TG: variants seen among roughly 807,000 people sequenced by gnomAD.
The protein encoded by TG is thyroid hormones.
A neutral mutation model predicts 324.7 loss-of-function variants in TG; 270 were observed. The observed-to-expected ratio is 0.83, with a 90% CI of 0.75 to 0.92. The LOEUF (loss-of-function observed/expected upper bound fraction) is 0.92, where lower values mean the gene tolerates loss of function less well. TG is among the 40% of genes least tolerant of loss of function. The pLI is 0.00. For synonymous variants in TG, 1,401 were observed against 1,327.0 expected, an observed-to-expected ratio of 1.06 and a Z score of -1.21; for missense variants, 3,591 against 3,456.4, an observed-to-expected ratio of 1.04 and a Z score of -0.98.
chr8:133,051,620 G>A (rs1384985449), intron 41 of TG, among the ~76,000 whole-genome samples: 1 of 152,178 alleles, frequency 6.6e-6, no homozygotes, highest in Non-Finnish European at 1.5e-5. Context: ...AAGGAATTCT[G>A]GTGAAGTTTT....
chr8:133,019,744 G>T, intron 39 of TG, 49 bp downstream of exon 39: 1 of 1,496,744 alleles, frequency 6.7e-7, no homozygotes. Flanking sequence ...TGTCCCATTA[G>T]AAATCCACTG....
chr8:133,084,413 A>AG (rs1462101457), intron 41 of TG, among the ~76,000 whole-genome samples: 18 of 152,216 alleles, frequency 1.2e-4, no homozygotes, highest in East Asian at 1.9e-4. Flanking sequence ...TGACAATGGA[A>AG]GGGAGGCTCA....
chr8:132,917,027 C>CATCCT (rs1820402924), intron 20 of TG, among the ~76,000 whole-genome samples: 1 of 60,514 alleles, frequency 1.7e-5, no homozygotes, highest in African/African-American at 5.9e-5. Context: ...CCCTCCATGC[C>CATCCT]TCCCTCCCTC....
chr8:132,869,656 T>C, intron 2 of TG, 73 bp from the exon 3 acceptor site: 8 of 1,294,416 alleles, frequency 6.2e-6, no homozygotes, highest in Non-Finnish European at 9.0e-6. Flanking sequence ...AGAAGAAAAG[T>C]AGCCTGAGTG....
intron 10 of TG, among the ~76,000 whole-genome samples, chr8:132,891,438 G>A (rs1563917319): frequency 6.6e-6 from 1 of 152,096 alleles, no homozygotes; most frequent in Non-Finnish European, 1.5e-5. Flanking sequence ...AGGCTCAAGC[G>A]ATCCTCCCAC....
chr8:132,873,880 T>C (rs1407573587), intron 5 of TG, among the ~76,000 whole-genome samples: 1 of 151,858 alleles, frequency 6.6e-6, no homozygotes, highest in Non-Finnish European at 1.5e-5. Context: ...GAAGAAAGAG[T>C]AGGCAGAAGG....
chr8:133,028,955 C>T (rs1564088919), intron 40 of TG, among the ~76,000 whole-genome samples: 2 of 152,088 alleles, frequency 1.3e-5, no homozygotes, highest in African/African-American at 2.4e-5. Context: ...GGGCCGCTGA[C>T]ACACACAGGA....
intron 46 of TG, 85 bp downstream of exon 46, chr8:133,132,031 A>G (rs534782680): frequency 5.7e-6 from 9 of 1,572,406 alleles, no homozygotes; most frequent in East Asian, 4.5e-5. Context: ...CCCAATTTGC[A>G]TCGATAGACT....
intron 29 of TG, 65 bp from the exon 30 acceptor site, chr8:132,966,486 GTTTCTTTCT>G: frequency 5.2e-6 from 8 of 1,527,898 alleles, no homozygotes; most frequent in Non-Finnish European, 7.2e-6. Context: ...GTGTGTGTGT[GTTTCTTTCT>G]TGTGTTTTTC....
chr8:133,102,439 G>T, intron 43 of TG: 1 of 900,150 alleles, frequency 1.1e-6, no homozygotes, highest in Non-Finnish European at 1.7e-6. Flanking sequence ...GACCAAAGAC[G>T]GAGGGTGGGT....
At chr8:133,043,685 A>G (rs1248137470) in intron 41 of TG, among the ~76,000 whole-genome samples, 2 of 151,996 alleles carry the variant, frequency 1.3e-5, no homozygotes, top group Non-Finnish European at 2.9e-5. Context: ...CTGAGCAGCC[A>G]TTTTTGCCTC....
At chr8:133,006,708 C>T (rs1182457744) in intron 35 of TG, among the ~76,000 whole-genome samples, 1 of 152,322 alleles carries the variant, frequency 6.6e-6, no homozygotes, top group Non-Finnish European at 1.5e-5. Flanking sequence ...AAAGTAACCA[C>T]ACAACAAAGA....
chr8:133,052,570 G>A (rs546212568), intron 41 of TG, among the ~76,000 whole-genome samples: 13 of 152,312 alleles, frequency 8.5e-5, no homozygotes, highest in East Asian at 5.8e-4. Context: ...ATTCAAAAAA[G>A]GGATTCTTCC....
chr8:133,054,999 C>T (rs1026059862), intron 41 of TG, among the ~76,000 whole-genome samples: 6 of 152,104 alleles, frequency 3.9e-5, no homozygotes, highest in African/African-American at 1.2e-4. Flanking sequence ...ACAGAAAATA[C>T]GTGATTATTT....
At position 133,040,010 on chromosome 8, in the gene TG, C is replaced by T. The variant is rs372398209; in HGVS notation, c.7239+9987C>T. The T allele has an allele frequency of 5.2e-6, 8 of 1,551,474 alleles. No individual in the cohort carries two copies. In the African/African-American group the frequency reaches 1.1e-4, roughly 21 times the overall value. On this transcript the variant is annotated intron_variant, in intron 41 of 47. Coordinates refer to ENST00000220616, the MANE Select transcript of TG (RefSeq NM_003235.5). ...ACACCATACTCACCTGGACACTCTC[C>T]TCCAGTCCACAGTCTTCTGACGCAA... is the stretch of plus-strand genomic sequence containing the variant.
At chr8:132,878,097 C>G (rs1001370592) in intron 5 of TG, among the ~76,000 whole-genome samples, 1 of 152,098 alleles carries the variant, frequency 6.6e-6, no homozygotes, top group Admixed American at 6.5e-5. Context: ...GCTCTGGGAT[C>G]CCTGTAACCA....
intron 20 of TG, among the ~76,000 whole-genome samples, chr8:132,917,013 T>TCCTCCCTCCCTTCCTC: frequency 1.3e-5 from 1 of 74,164 alleles, no homozygotes; most frequent in Middle Eastern, 7.7e-3. Context: ...CTCCCTCCCT[T>TCCTCCCTCCCTTCCTC]CCTCCCTCCA....
At chr8:133,092,324 G>A (rs1847689240) in intron 41 of TG, among the ~76,000 whole-genome samples, 1 of 152,206 alleles carries the variant, frequency 6.6e-6, no homozygotes, top group South Asian at 2.1e-4. Flanking sequence ...AAAAGCAGTG[G>A]TCAGCAATTG....
chr8:132,988,206 C>T (rs1204102060), intron 35 of TG, among the ~76,000 whole-genome samples: 1 of 152,022 alleles, frequency 6.6e-6, no homozygotes, highest in Non-Finnish European at 1.5e-5. Context: ...GACAAGTTTC[C>T]CCCAGATTCA....
Sources: allele counts gnomAD v4.1 joint callset (sites outside exome capture counted in the v4.1 genomes callset), GRCh38; gene constraint gnomAD v4.1.1; transcripts MANE v1.5; gene names NCBI Gene and HGNC (gene_info 2026-07-23, HGNC 2026-07-21).